The following CES4A variants were observed in gnomAD, a reference collection of about 807,000 sequenced individuals.
CES4A encodes the protein carboxylesterase 6.
A neutral mutation model predicts 65.4 loss-of-function variants in CES4A; 48 were observed. The ratio of observed to expected loss-of-function variants is 0.73; its 90% CI spans 0.58 to 0.93. The LOEUF (loss-of-function observed/expected upper bound fraction) is 0.93, where lower values mean the gene tolerates loss of function less well. Among genes scored for constraint, CES4A ranks in the 40% least tolerant of loss-of-function variants. The pLI is 0.00. For missense variants in CES4A, 685 were observed against 728.5 expected, an observed-to-expected ratio of 0.94 and a Z score of 0.69; for synonymous variants, 247 against 281.8, an observed-to-expected ratio of 0.88 and a Z score of 1.24.
chr16:66,988,678 G>A (rs1299880513), exon 1 of CES4A: 4 of 1,543,838 alleles, frequency 2.6e-6, no homozygotes, highest in African/African-American at 1.4e-5. Context: ...ATAAAAGTGT[G>A]CTCACACACT....
chr16:66,998,650 C>T (rs1158437149), intron 2 of CES4A, among the ~76,000 whole-genome samples: 2 of 152,050 alleles, frequency 1.3e-5, no homozygotes, highest in Admixed American at 6.6e-5. Flanking sequence ...GGGTGGATCA[C>T]GAGGTCAGGA....
At chr16:66,995,744 C>A (rs1964795393) in exon 2 of CES4A, 2 of 1,614,242 alleles carry the variant, frequency 1.2e-6, no homozygotes, top group Non-Finnish European at 1.7e-6. Flanking sequence ...CTTCTCCAGA[C>A]CTCCTCTAGG....
intron 1 of CES4A, 60 bp downstream of exon 1, chr16:66,988,890 C>G: frequency 6.6e-7 from 1 of 1,516,228 alleles, no homozygotes; most frequent in Non-Finnish European, 8.9e-7. Flanking sequence ...GATGGAGGGA[C>G]AGGCCCCAGT....
chr16:67,003,506 C>A lies in CES4A; in HGVS notation c.901-9C>A. On this transcript the variant is annotated splice_polypyrimidine_tract_variant and intron_variant, in intron 7 of 13. Transcript: ENST00000648724. The surrounding 1 kb of genome is among the most constrained non-coding windows in gnomAD (Gnocchi z 4.2). ...TCCTTTAACTCTGATCCCTTCCTCT[C>A]CCCCATAGAGATTCCTCCAACTGAA... 6.2e-7 allele frequency: 1 copy of A among 1,612,718 alleles called. No individual in the cohort carries two copies. The highest frequency in any genetic ancestry group is 8.5e-7 in the Non-Finnish European group (1 of 1,178,728).
Position 67,003,517 on chromosome 16 carries a change from A to T in CES4A, c.903A>T (p.Arg301Ser). 1 of 1,613,510 alleles carries T rather than the reference A, an allele frequency of 6.2e-7. No homozygotes were observed. The change falls in exon 8 of 14, where the codon AGA (arginine) becomes AGT (serine). Residue 301 changes from arginine (R) to serine (S), a missense_variant and splice_region_variant. Physicochemically the swap from Arg to Ser is moderately radical, Grantham distance 110. Coordinates refer to ENST00000648724, the Ensembl canonical transcript of CES4A. This position sits in a 1 kb window ranked among gnomAD's most constrained non-coding sequence, Gnocchi z 4.2. Reference sequence around the variant, plus strand: ...TGATCCCTTCCTCTCCCCCATAGAGATTCCTCCAACTGAACTTCCAGAGAG... The same window carrying T: ...TGATCCCTTCCTCTCCCCCATAGAGTTTCCTCCAACTGAACTTCCAGAGAG...
chr16:66,988,883 G>A (rs1291662111), intron 1 of CES4A, 53 bp downstream of exon 1: 1 of 1,524,510 alleles, frequency 6.6e-7, no homozygotes, highest in Non-Finnish European at 8.8e-7. Flanking sequence ...CACAAGGGAT[G>A]GAGGGACAGG....
In CES4A at chr16:67,001,991, G is replaced by A. The variant is rs971717309; in HGVS notation, c.690+530G>A. Among the ~76,000 whole-genome samples, 23 of 152,338 alleles carry A rather than the reference G, an allele frequency of 1.5e-4. No individual in the cohort carries two copies. Among genetic ancestry groups the A allele is most frequent in the South Asian group, 8.3e-4 (4 of 4,822 alleles). ...GCCACAGTCATAATAATACTCAACA[G>A]CTGAGCACTTCCTGTGTGCCAGGCA... On this transcript the variant is annotated intron_variant, in intron 5 of 13. Coordinates refer to ENST00000648724, the Ensembl canonical transcript of CES4A. This position sits in a 1 kb window ranked among gnomAD's most constrained non-coding sequence, Gnocchi z 4.1.
chr16:67,000,985 C>T lies in CES4A; in HGVS notation c.531C>T (p.Phe177=), dbSNP rs1185654133. The T allele has an allele frequency of 1.2e-6, 2 of 1,611,000 alleles. No homozygotes were observed. Among genetic ancestry groups the T allele is most frequent in the African/African-American group, 1.3e-5 (1 of 74,744 alleles). Residue 177 remains phenylalanine (F), a synonymous_variant, in exon 4 of 14, where the codon TTC becomes TTT. Coordinates refer to ENST00000648724, the Ensembl canonical transcript of CES4A. The surrounding 1 kb of genome is among the most constrained non-coding windows in gnomAD (Gnocchi z 4.2). ...AGCACAGGCTCGGCATCTTCGGCTTCCTGAGGTGGCGGGGCCGGTACCCTT... is the reference window on the plus strand; with the variant it reads ...AGCACAGGCTCGGCATCTTCGGCTTTCTGAGGTGGCGGGGCCGGTACCCTT...
At position 67,000,865 on chromosome 16, in the gene CES4A, C is replaced by G. The variant is rs776041643; in HGVS notation, c.411C>G (p.Val137=). The G allele has an allele frequency of 1.3e-6, 2 of 1,597,532 alleles. No homozygotes were observed. Among genetic ancestry groups the G allele is most frequent in the South Asian group, 2.3e-5 (2 of 88,384 alleles). The change falls in exon 4 of 14, where the codon GTC becomes GTG. Residue 137 remains valine, a synonymous_variant. Coordinates refer to ENST00000648724, the Ensembl canonical transcript of CES4A. This position sits in a 1 kb window ranked among gnomAD's most constrained non-coding sequence, Gnocchi z 4.2. ...CGGCCTTCTTCGTCCAGGTGATGGTCTGGTTCCCGGGAGGCGCCTTCATCG... is the reference window on the plus strand; with the variant it reads ...CGGCCTTCTTCGTCCAGGTGATGGTGTGGTTCCCGGGAGGCGCCTTCATCG...
rs1332888860 is a variant in CES4A at position 67,001,088 on chromosome 16, G to A, written c.536+98G>A. ...GGGGCCTGGGGCGGGGATGGGGGGG[G>A]TGGGGCCGCGAGGCGGGGGCGGGGC... On this transcript the variant is annotated intron_variant, in intron 4 of 13. Transcript: ENST00000648724. This position sits in a 1 kb window ranked among gnomAD's most constrained non-coding sequence, Gnocchi z 4.1. 8.2e-5 allele frequency: 89 copies of A among 1,091,770 alleles called. No individual in the cohort carries two copies. The East Asian group carries it at 1.5e-3, about 18-fold the overall frequency. The allele number at this position is 1,091,770 out of a possible 1,614,324, so 67.6% of individuals were successfully genotyped here. A position where few individuals can be genotyped will look rare whatever the true frequency, so the allele number is the denominator to read the frequency against.
chr16:67,006,508 C>T (rs1965771489), exon 12 of CES4A: 1 of 1,537,306 alleles, frequency 6.5e-7, no homozygotes, highest in Non-Finnish European at 8.7e-7. Context: ...TTTGGGGGCC[C>T]CTTCGCCACA....
intron 2 of CES4A, among the ~76,000 whole-genome samples, chr16:66,997,815 T>A (rs539079370): frequency 6.6e-6 from 1 of 151,968 alleles, no homozygotes; most frequent in African/African-American, 2.4e-5. Flanking sequence ...ACAAGAAATT[T>A]AAAAAATTAG....
chr16:67,004,291 G>A (rs1965581259), intron 9 of CES4A, 67 bp downstream of exon 9: 1 of 1,564,394 alleles, frequency 6.4e-7, no homozygotes, highest in African/African-American at 1.3e-5. Context: ...AGGCAGGGAA[G>A]GATGCCTCTT....
chr16:67,001,468 G>A lies in CES4A; in HGVS notation c.690+7G>A, dbSNP rs1181134747. 1 of 1,595,546 alleles carries A rather than the reference G, an allele frequency of 6.3e-7. No homozygotes were observed. The highest frequency in any genetic ancestry group is 8.5e-7 in the Non-Finnish European group (1 of 1,171,154). ...CATGAGCATCTCAGGACTGGTGAGAGCAATGCCCAGACGGACCGAGCACAG... is the reference window on the plus strand; with the variant it reads ...CATGAGCATCTCAGGACTGGTGAGAACAATGCCCAGACGGACCGAGCACAG... On this transcript the variant is annotated splice_region_variant and intron_variant, in intron 5 of 13. Transcript: ENST00000648724. This position sits in a 1 kb window ranked among gnomAD's most constrained non-coding sequence, Gnocchi z 4.1.
chr16:66,995,699 G>A, exon 2 of CES4A: 1 of 1,614,210 alleles, frequency 6.2e-7, no homozygotes, highest in Non-Finnish European at 8.5e-7. Flanking sequence ...GATGCATGTG[G>A]GGAAGACACC....
In CES4A at chr16:67,001,128, A is replaced by C. The variant is rs1965303286; in HGVS notation, c.536+138A>C. ...GGGGGCGGGGCCTGGCGCTCGGTGG[A>C]AGGGGCGGGCGCTCCATACCATCTG... On this transcript the variant is annotated intron_variant, in intron 4 of 13. Coordinates refer to ENST00000648724, the Ensembl canonical transcript of CES4A. The surrounding 1 kb of genome is among the most constrained non-coding windows in gnomAD (Gnocchi z 4.1). The C allele has an allele frequency of 2.9e-6, 4 of 1,364,006 alleles. No homozygotes were observed. Among genetic ancestry groups the C allele is most frequent in the Admixed American group, 4.8e-5 (2 of 41,932 alleles). The allele number at this position is 1,364,006 out of a possible 1,614,324, so 84.5% of individuals were successfully genotyped here.
At chr16:67,007,407 T>A (rs970021359) in intron 13 of CES4A, 1 of 151,046 alleles carries the variant, frequency 6.6e-6, no homozygotes, top group Admixed American at 6.6e-5. Context: ...TCCTGAGGAG[T>A]TGGGATTACA....
In CES4A at chr16:66,989,614, T is replaced by C. The variant is rs539658928; in HGVS notation, c.58+784T>C. On this transcript the variant is annotated intron_variant, in intron 1 of 13. Coordinates refer to ENST00000648724, the Ensembl canonical transcript of CES4A. ...AGGATACACCTGTAATCCCAGCACT[T>C]TGGGAGGCCGAAGCGGGCAGATCAC... Among the ~76,000 whole-genome samples the C allele has an allele frequency of 6.6e-5, 10 of 152,084 alleles. No individual in the cohort carries two copies. The South Asian group carries it at 2.1e-3, about 32-fold the overall frequency.
Position 67,000,784 on chromosome 16 carries a change from G to A in CES4A, c.402+5G>A. 2 of 1,549,996 alleles carry A rather than the reference G, an allele frequency of 1.3e-6. No individual in the cohort carries two copies. The highest frequency in any genetic ancestry group is 1.7e-6 in the Non-Finnish European group (2 of 1,146,188). ...CCCGGGGATCCCCAGCTGCCAGTGA[G>A]TGCCAGGTCTCCCGCGCCCGCGGTC... On this transcript the variant is annotated splice_donor_5th_base_variant and intron_variant, in intron 3 of 13. Transcript: ENST00000648724. This position sits in a 1 kb window ranked among gnomAD's most constrained non-coding sequence, Gnocchi z 4.2.
Sources: allele counts gnomAD v4.1 joint callset (sites outside exome capture counted in the v4.1 genomes callset), GRCh38; gene constraint gnomAD v4.1.1; non-coding constraint Gnocchi (gnomAD v3.1); transcripts MANE v1.5; gene names NCBI Gene and HGNC (gene_info 2026-07-23, HGNC 2026-07-21).